The following IGSF11 variants were observed in gnomAD, a reference collection of about 807,000 sequenced individuals.
IGSF11 encodes immunoglobulin superfamily member 11, also known as CXADR like 1.
Under a neutral mutation model 41.0 loss-of-function variants are expected in IGSF11, and 22 were observed. That is an observed-to-expected ratio of 0.54 (90% CI 0.38 to 0.77). The LOEUF (loss-of-function observed/expected upper bound fraction) is 0.77, where lower values mean the gene tolerates loss of function less well. Among genes scored for constraint, IGSF11 ranks in the 30% least tolerant of loss-of-function variants. The probability of loss-of-function intolerance (pLI) is 0.00; values close to 1 mark genes in which losing one functional copy is unlikely to be tolerated. For synonymous variants in IGSF11, 219 were observed against 201.3 expected (o/e 1.09, Z -0.74); for missense variants, 444 against 530.8 (o/e 0.84, Z 1.61).
At chr3:119,001,609 T>C (rs1221821388) in intron 1 of IGSF11, among the ~76,000 whole-genome samples, 22 of 132,240 alleles carry the variant, frequency 1.7e-4, no homozygotes, top group African/African-American at 5.1e-4. Flanking sequence ...CTCCCAATGC[T>C]ATCCCTCCCC....
intron 4 of IGSF11, among the ~76,000 whole-genome samples, chr3:118,908,148 T>C (rs929040310): frequency 2.6e-5 from 4 of 152,128 alleles, no homozygotes; most frequent in Non-Finnish European, 5.9e-5. Flanking sequence ...CCAGAGACAA[T>C]TTGGGAAATT....
At chr3:118,938,032 A>G (rs1400259508) in intron 1 of IGSF11, among the ~76,000 whole-genome samples, 1 of 150,380 alleles carries the variant, frequency 6.6e-6, no homozygotes, top group African/African-American at 2.5e-5. Context: ...TCATATATAT[A>G]TATATAAAAT....
chr3:119,039,114 T>C (rs1941019140), upstream of IGSF11, among the ~76,000 whole-genome samples: 1 of 152,122 alleles, frequency 6.6e-6, no homozygotes, highest in African/African-American at 2.4e-5. Flanking sequence ...TCAGGATGAG[T>C]CCTTACTGTA....
intron 1 of IGSF11, among the ~76,000 whole-genome samples, chr3:119,047,239 A>G (rs914248197): frequency 2.0e-5 from 3 of 151,952 alleles, no homozygotes; most frequent in African/African-American, 7.3e-5. Context: ...AGTGTGCTGT[A>G]TTCAGGAAAC....
At position 118,902,524 on chromosome 3, in the gene IGSF11, A is replaced by G. The variant is rs1938998419; in HGVS notation, c.1292T>C (p.Val431Ala). The G allele has an allele frequency of 1.9e-6, 3 of 1,608,644 alleles. No homozygotes were observed. The African/African-American group carries it at 4.1e-5, about 22-fold the overall frequency. The change falls in exon 7 of 7, where the codon GTA (valine) becomes GCA (alanine). Residue 431 changes from valine to alanine, a missense_variant. Val to Ala is a moderately conservative substitution (Grantham distance 64). This residue lies in a region of IGSF11 where 223 missense variants were observed against 226.2 expected (regional missense o/e 0.99). Coordinates refer to ENST00000393775, the MANE Select transcript of IGSF11 (RefSeq NM_001015887.3). ...AACACAACATTTCCTCATGTCCTAT[A>G]CCAAGGACCCGGCCCGACTCTGGGC... Reference protein sequence around the residue: ...VPAQSRAGSLV With the variant: ...VPAQSRAGSLA
intron 6 of IGSF11, among the ~76,000 whole-genome samples, 169 bp downstream of exon 6, chr3:118,904,479 G>A (rs1939329955): frequency 6.6e-6 from 1 of 152,136 alleles, no homozygotes; most frequent in South Asian, 2.1e-4. Flanking sequence ...AGTGAATAAA[G>A]CTGAGTAGTA....
At chr3:119,049,299 G>T (rs1341004038) in intron 1 of IGSF11, among the ~76,000 whole-genome samples, 10 of 151,570 alleles carry the variant, frequency 6.6e-5, no homozygotes, top group Admixed American at 3.3e-4. Context: ...CTTCAGCAAA[G>T]TCTCAGGATA....
In IGSF11 at chr3:119,004,906, G is replaced by A. The variant is rs900039959; in HGVS notation, c.52+29625C>T. The stretch of plus-strand genomic sequence containing the variant: ...AACTATGTGGTCAATTTTGGAATAG[G>A]TGTGGTGTGGTGCTGAAAAAAATGT... On this transcript the variant is annotated intron_variant, in intron 1 of 6. Coordinates refer to ENST00000393775, the MANE Select transcript of IGSF11 (RefSeq NM_001015887.3). Among the ~76,000 whole-genome samples the A allele has an allele frequency of 3.3e-5, 5 of 152,194 alleles. 1 individual carries two copies. The highest frequency in any genetic ancestry group is 1.9e-4 in the East Asian group (1 of 5,182).
intron 1 of IGSF11, among the ~76,000 whole-genome samples, chr3:119,126,718 C>T (rs1305791796): frequency 1.3e-5 from 2 of 152,056 alleles, no homozygotes; most frequent in African/African-American, 4.8e-5. Flanking sequence ...TCTCCAGGCA[C>T]GGGAGCAAAT....
At chr3:119,109,504 T>C (rs375568592), upstream of IGSF11, among the ~76,000 whole-genome samples, 10 of 152,290 alleles carry the variant, frequency 6.6e-5, no homozygotes, top group South Asian at 2.1e-4. Flanking sequence ...GTCTTGCTAG[T>C]GGTCTATGAA....
chr3:118,968,421 C>G (rs1236231579), intron 1 of IGSF11, among the ~76,000 whole-genome samples: 1 of 151,728 alleles, frequency 6.6e-6, no homozygotes, highest in South Asian at 2.1e-4. Context: ...GGGAAGTACT[C>G]TTCTGTGAAA....
intron 1 of IGSF11, among the ~76,000 whole-genome samples, chr3:119,065,792 C>CAAAAAAAAAA (rs1193374379): frequency 7.1e-5 from 4 of 56,732 alleles, no homozygotes; most frequent in Admixed American, 2.0e-4. Context: ...GACTCTGTCT[C>CAAAAAAAAAA]AAAAAAAAAA....
chr3:119,027,200 G>A (rs72970470), intron 1 of IGSF11, among the ~76,000 whole-genome samples: 3,992 of 152,214 alleles, frequency 0.026, 163 homozygotes, highest in African/African-American at 0.091. Flanking sequence ...CAAAGTACAA[G>A]ATAAACCAGT....
chr3:119,143,180 T>C (rs1446237850), intron 1 of IGSF11, among the ~76,000 whole-genome samples: 2 of 152,154 alleles, frequency 1.3e-5, no homozygotes, highest in Non-Finnish European at 2.9e-5. Context: ...TCTATATAGG[T>C]GATTTAATAG....
chr3:119,076,676 G>A lies in IGSF11; in HGVS notation c.49+28468C>T, dbSNP rs139461144. On this transcript the variant is annotated intron_variant, in intron 1 of 6. Coordinates refer to the IGSF11 transcript ENST00000354673. ...ATACGAAAAAATGCTCATCATCACTGGCCATCAGAGAAATGCAAATCAAAA... is the reference window on the plus strand; with the variant it reads ...ATACGAAAAAATGCTCATCATCACTAGCCATCAGAGAAATGCAAATCAAAA... Among the ~76,000 whole-genome samples the A allele has an allele frequency of 6.3e-3, 962 of 152,262 alleles. 6 individuals are homozygous for A. The highest frequency in any genetic ancestry group is 0.022 in the African/African-American group (930 of 41,532).
chr3:118,938,430 T>A (rs148596487), intron 1 of IGSF11, among the ~76,000 whole-genome samples: 34 of 152,162 alleles, frequency 2.2e-4, no homozygotes, highest in African/African-American at 7.5e-4. Flanking sequence ...CTTTACTCCA[T>A]CATGTTACCT....
intron 1 of IGSF11, among the ~76,000 whole-genome samples, chr3:119,049,631 A>C (rs932781753): frequency 6.6e-6 from 1 of 152,156 alleles, no homozygotes; most frequent in East Asian, 1.9e-4. Context: ...CTTTCTTCAC[A>C]GAATTGGAAA....
chr3:119,114,902 A>G (rs1576819353), intron 1 of IGSF11, among the ~76,000 whole-genome samples: 2 of 152,270 alleles, frequency 1.3e-5, no homozygotes, highest in East Asian at 1.9e-4. Flanking sequence ...ATGGCTGGGG[A>G]GGCCTCAGGA....
intron 1 of IGSF11, among the ~76,000 whole-genome samples, chr3:119,057,977 G>A (rs948426976): frequency 6.6e-6 from 1 of 152,062 alleles, no homozygotes; most frequent in African/African-American, 2.4e-5. Flanking sequence ...TTAATTCAAG[G>A]TGGATTAAAG....
Sources: gnomAD v4.1 joint callset for allele counts (sites outside exome capture counted in the v4.1 genomes callset) on GRCh38, gnomAD v4.1.1 for gene constraint, gnomAD v4.1.1 regional missense constraint, MANE v1.5 for transcripts, NCBI Gene and HGNC (gene_info 2026-07-23, HGNC 2026-07-21) for gene names.